CENPW: variants seen among roughly 807,000 people sequenced by gnomAD.
CENPW encodes the protein centromere protein W.
CENPW carries 3 observed loss-of-function variants against 11.1 expected under a neutral mutation model. The observed-to-expected ratio is 0.27, with a 90% CI of 0.12 to 0.70. The LOEUF is 0.70. CENPW is among the 30% of genes least tolerant of loss of function. The pLI is 0.77. For missense variants in CENPW, 100 were observed against 105.6 expected (o/e 0.95, Z 0.23); for synonymous variants, 38 against 42.0 (o/e 0.91, Z 0.37).
the CENPW span, among the ~76,000 whole-genome samples, chr6:126,402,263 C>T: frequency 6.6e-6 from 1 of 151,780 alleles, no homozygotes; most frequent in Non-Finnish European, 1.5e-5. Context: ...CTTTCATTCC[C>T]CTTTTATTTC....
chr6:126,374,828 A>G, the CENPW span, among the ~76,000 whole-genome samples: 3 of 152,328 alleles, frequency 2.0e-5, no homozygotes, highest in African/African-American at 7.2e-5. Flanking sequence ...AGCTCAATAC[A>G]GAGGAAATCC....
At chr6:126,391,827 C>A in the CENPW span, among the ~76,000 whole-genome samples, 38 of 151,688 alleles carry the variant, frequency 2.5e-4, no homozygotes, top group Non-Finnish European at 3.2e-4. Context: ...TCCACTGGCC[C>A]ATATGTCTGT....
the CENPW span, among the ~76,000 whole-genome samples, chr6:126,412,720 C>T: frequency 6.6e-6 from 1 of 152,128 alleles, no homozygotes; most frequent in Non-Finnish European, 1.5e-5. Flanking sequence ...CCACACATTT[C>T]CCACACATTT....
At chr6:126,373,429 C>T in the CENPW span, among the ~76,000 whole-genome samples, 2 of 152,222 alleles carry the variant, frequency 1.3e-5, no homozygotes, top group Non-Finnish European at 2.9e-5. Flanking sequence ...GTGCTTCTAA[C>T]ATGACTGCCT....
chr6:126,482,872 A>G, the CENPW span, among the ~76,000 whole-genome samples: 65 of 152,068 alleles, frequency 4.3e-4, no homozygotes, highest in African/African-American at 1.4e-3. Flanking sequence ...AAAACTGTCA[A>G]TTTGCACAAA....
the CENPW span, among the ~76,000 whole-genome samples, chr6:126,473,781 A>ATAGATATATAGAATATATATGCACAGCG: frequency 1.7e-4 from 25 of 150,542 alleles, no homozygotes; most frequent in African/African-American, 6.1e-4. Context: ...TATGCACAGC[A>ATAGATATATAGAATATATATGCACAGCG]TAGATATATA....
chr6:126,482,320 G>A, the CENPW span, among the ~76,000 whole-genome samples: 1 of 151,598 alleles, frequency 6.6e-6, no homozygotes, highest in South Asian at 2.1e-4. Flanking sequence ...TATAATACCT[G>A]GTTTATAAGC....
chr6:126,429,363 A>G, the CENPW span, among the ~76,000 whole-genome samples: 1 of 152,082 alleles, frequency 6.6e-6, no homozygotes, highest in Non-Finnish European at 1.5e-5. Flanking sequence ...CCAATGTTGG[A>G]GGTGGGACCT....
In CENPW at chr6:126,343,597, G is replaced by A. The variant is rs182317055; in HGVS notation, c.127-2608G>A. Among the ~76,000 whole-genome samples the A allele has an allele frequency of 5.9e-5, 9 of 152,248 alleles. No homozygotes were observed. The East Asian group carries it at 1.7e-3, about 29-fold the overall frequency. ...ACAGTGCAGCCTTCAGTCTGTGGTC[G>A]AAGGCCCTAGGGCCACTGGCAAATT... On this transcript the variant is annotated intron_variant, in intron 1 of 2. Coordinates refer to ENST00000368328, the MANE Select transcript of CENPW (RefSeq NM_001012507.4).
At chr6:126,469,369 G>C in the CENPW span, among the ~76,000 whole-genome samples, 1 of 152,150 alleles carries the variant, frequency 6.6e-6, no homozygotes, top group South Asian at 2.1e-4. Context: ...CTTCTGCCAT[G>C]ATTGTAAGTT....
chr6:126,414,545 A>G, the CENPW span, among the ~76,000 whole-genome samples: 1 of 152,136 alleles, frequency 6.6e-6, no homozygotes, highest in Non-Finnish European at 1.5e-5. Flanking sequence ...ATGCTCCTGA[A>G]CAACCAATGA....
chr6:126,387,514 C>T, the CENPW span, among the ~76,000 whole-genome samples: 1 of 151,872 alleles, frequency 6.6e-6, no homozygotes, highest in Non-Finnish European at 1.5e-5. Context: ...TTTATCATTT[C>T]CTGAATTGGC....
chr6:126,411,467 GA>G, the CENPW span, among the ~76,000 whole-genome samples: 1 of 152,196 alleles, frequency 6.6e-6, no homozygotes, highest in Non-Finnish European at 1.5e-5. Flanking sequence ...ACAGATGCTT[GA>G]AGTAGCTGTG....
the CENPW span, among the ~76,000 whole-genome samples, chr6:126,471,215 C>T: frequency 1.3e-5 from 2 of 152,004 alleles, no homozygotes; most frequent in African/African-American, 2.4e-5. Flanking sequence ...ATTATGGGTG[C>T]CATTTCCCCC....
chr6:126,406,087 G>A, the CENPW span, among the ~76,000 whole-genome samples: 6 of 152,186 alleles, frequency 3.9e-5, no homozygotes, highest in African/African-American at 1.2e-4. Context: ...GTTAGCTGTG[G>A]ATTTGTCATA....
the CENPW span, among the ~76,000 whole-genome samples, chr6:126,439,288 C>T: frequency 3.5e-4 from 53 of 151,582 alleles, no homozygotes. Context: ...AGAATAAGCC[C>T]ATATGGTAAA....
the CENPW span, among the ~76,000 whole-genome samples, chr6:126,374,917 A>T: frequency 1.3e-5 from 2 of 152,164 alleles, no homozygotes; most frequent in South Asian, 4.1e-4. Context: ...CATTGGCATT[A>T]TTTCTGTGCT....
At chr6:126,480,044 C>A in the CENPW span, among the ~76,000 whole-genome samples, 3 of 151,952 alleles carry the variant, frequency 2.0e-5, no homozygotes, top group African/African-American at 7.2e-5. Flanking sequence ...GAGGCCCAAC[C>A]CAACTGTATA....
chr6:126,453,080 C>G, the CENPW span, among the ~76,000 whole-genome samples: 1 of 151,068 alleles, frequency 6.6e-6, no homozygotes, highest in Non-Finnish European at 1.5e-5. Context: ...AATAGACATT[C>G]TCAGATGAAG....
Sources: allele counts gnomAD v4.1 joint callset (sites outside exome capture counted in the v4.1 genomes callset), GRCh38; gene constraint gnomAD v4.1.1; transcripts MANE v1.5; gene names NCBI Gene and HGNC (gene_info 2026-07-23, HGNC 2026-07-21).